The following ICA1 variants were observed in gnomAD, a reference collection of about 807,000 sequenced individuals.
ICA1 encodes islet cell autoantigen 1, also known as 69 kDa islet cell autoantigen.
In ICA1, 40 loss-of-function variants were observed where a neutral mutation model predicts 71.0. The observed-to-expected ratio is 0.56, with a 90% CI of 0.44 to 0.73. The LOEUF (loss-of-function observed/expected upper bound fraction) is 0.73. Among genes scored for constraint, ICA1 ranks in the 30% least tolerant of loss-of-function variants. The pLI, the probability that ICA1 is intolerant of heterozygous loss-of-function variation, is 0.00. For missense variants in ICA1, 578 were observed against 576.5 expected, an observed-to-expected ratio of 1.00 and a Z score of -0.03; for synonymous variants, 207 against 209.5, an observed-to-expected ratio of 0.99 and a Z score of 0.10.
intron 8 of ICA1, among the ~76,000 whole-genome samples, chr7:8,149,360 G>C (rs1209330416): frequency 2.0e-5 from 3 of 152,188 alleles, no homozygotes; most frequent in Admixed American, 2.0e-4. Context: ...TTTAGACTAA[G>C]AAACTTTTCT....
Position 8,232,648 on chromosome 7 carries a change from C to T in ICA1, c.125G>A (p.Gly42Glu). ...ETKQAFIKAT[G>E]KKEDEHVVAS... is the part of the protein sequence containing the mutation. ...AACAACATGTTCATCTTCCTTCTTC[C>T]CTGTGGCTTTAATAAAGGCCTGCTT... Residue 42 changes from glycine (G) to glutamate (E), a missense_variant, in exon 3 of 14, where the codon GGG becomes GAG. Gly to Glu is a moderately conservative substitution (Grantham distance 98). Transcript: ENST00000402384. 6.2e-7 allele frequency: 1 copy of T among 1,613,582 alleles called. No homozygotes were observed. The highest frequency in any genetic ancestry group is 8.5e-7 in the Non-Finnish European group (1 of 1,179,756).
Position 8,226,897 on chromosome 7 carries a change from A to G in ICA1, c.256+1704T>C, listed in dbSNP as rs893201160. Among the ~76,000 whole-genome samples the G allele has an allele frequency of 6.6e-6, 1 of 152,174 alleles. No individual in the cohort carries two copies. The highest frequency in any genetic ancestry group is 1.5e-5 in the Non-Finnish European group (1 of 68,024). The stretch of plus-strand genomic sequence containing the variant: ...TGGTTTAGGGGGAAGTTTTTCCTCT[A>G]TATTCTTTTAGAAACACTAATATAC... On this transcript the variant is annotated intron_variant, in intron 4 of 13. Coordinates refer to ENST00000402384, the MANE Select transcript of ICA1 (RefSeq NM_001136020.3). The surrounding 1 kb of genome is among the most constrained non-coding windows in gnomAD (Gnocchi z 4.4).
intron 1 of ICA1, among the ~76,000 whole-genome samples, chr7:8,239,936 C>A (rs937738437): frequency 3.3e-5 from 5 of 152,234 alleles, no homozygotes; most frequent in African/African-American, 4.8e-5. Flanking sequence ...TCAGCAAGGC[C>A]TGTTGCCTCT....
rs1786524711 is a variant in ICA1, at chr7:8,120,586, C to T, written c.1331-6542G>A. On this transcript the variant is annotated intron_variant, in intron 13 of 13. Transcript: ENST00000402384. ...AAGGTGTGGCTAGAAAGATGTCGGC[C>T]CATCTCAGAGTAGTTCTGTCAGGAG... 5.9e-5 allele frequency among the ~76,000 whole-genome samples: 9 copies of T among 152,240 alleles called. No homozygotes were observed. In the South Asian group the frequency reaches 1.7e-3, roughly 28 times the overall value.
At chr7:8,243,907 G>A (rs969223742) in intron 1 of ICA1, among the ~76,000 whole-genome samples, 2 of 152,258 alleles carry the variant, frequency 1.3e-5, no homozygotes, top group East Asian at 1.9e-4. Context: ...ACTGCTCAAC[G>A]AAATAAAAGA....
intron 5 of ICA1, 72 bp downstream of exon 5, chr7:8,221,203 C>T (rs2128422821): frequency 6.3e-7 from 1 of 1,586,256 alleles, no homozygotes; most frequent in Non-Finnish European, 8.6e-7. Flanking sequence ...TGTGAGATTC[C>T]CTTTCGTGAG....
chr7:8,152,718 T>TCCACCACCACCACCACCA, intron 8 of ICA1, among the ~76,000 whole-genome samples: 1 of 30,384 alleles, frequency 3.3e-5, no homozygotes, highest in Non-Finnish European at 8.4e-5. Flanking sequence ...CATCACCTCC[T>TCCACCACCACCACCACCA]CCACCATCAC....
chr7:8,122,456 G>C (rs1200020480), intron 13 of ICA1, among the ~76,000 whole-genome samples: 1 of 152,234 alleles, frequency 6.6e-6, no homozygotes, highest in Non-Finnish European at 1.5e-5. Flanking sequence ...TCCTTCTGGG[G>C]ACTAAATTCT....
chr7:8,213,686 G>A (rs926750624), intron 6 of ICA1, among the ~76,000 whole-genome samples: 3 of 152,070 alleles, frequency 2.0e-5, no homozygotes, highest in African/African-American at 7.2e-5. Context: ...TTGTTCACAG[G>A]AAACCCATCC....
intron 6 of ICA1, among the ~76,000 whole-genome samples, chr7:8,213,433 C>A (rs777805948): frequency 7.9e-5 from 12 of 152,174 alleles, no homozygotes; most frequent in Non-Finnish European, 1.5e-4. Context: ...GGTGTCCCAG[C>A]CCTACCTTAG....
chr7:8,153,713 C>T (rs1219885335), intron 8 of ICA1, among the ~76,000 whole-genome samples: 1 of 151,926 alleles, frequency 6.6e-6, no homozygotes, highest in Non-Finnish European at 1.5e-5. Flanking sequence ...ACCATGTTTT[C>T]AAGTTCTGGC....
Position 8,182,641 on chromosome 7 carries a change from T to TA in ICA1, c.580-23990dup, listed in dbSNP as rs199593352. ...TTTTTATTGTTGATAAAACATAAAA[T>TA]AAAAAAATTAAAGGGTTATTAAAGA... On this transcript the variant is annotated intron_variant, in intron 6 of 13. Coordinates refer to ENST00000402384, the MANE Select transcript of ICA1 (RefSeq NM_001136020.3). Among the ~76,000 whole-genome samples, 913 of 152,202 alleles carry TA rather than the reference T, an allele frequency of 6.0e-3. 4 individuals are homozygous for TA. The highest frequency in any genetic ancestry group is 9.4e-3 in the Non-Finnish European group (640 of 67,962).
chr7:8,156,620 C>T lies in ICA1; in HGVS notation c.804+496G>A, dbSNP rs1295488642. The T allele has an allele frequency of 2.7e-5, 12 of 442,614 alleles. No homozygotes were observed. In the East Asian group the frequency reaches 5.0e-4, roughly 18 times the overall value. 27.4% of individuals were successfully genotyped at this position (442,614 alleles called of 1,614,324 possible). A position where few individuals can be genotyped will look rare whatever the true frequency, so the allele number is the denominator to read the frequency against. ...ATTAGAAAATATTGCTGTAGTCTTACAGAAAAATTCAATTTTATGTTGGAT... is the reference window on the plus strand; with the variant it reads ...ATTAGAAAATATTGCTGTAGTCTTATAGAAAAATTCAATTTTATGTTGGAT... On this transcript the variant is annotated intron_variant, in intron 8 of 13. Transcript: ENST00000402384.
intron 4 of ICA1, 105 bp from the exon 5 acceptor site, chr7:8,221,503 C>T (rs1440012969): frequency 6.1e-6 from 8 of 1,309,642 alleles, no homozygotes; most frequent in East Asian, 2.4e-5. Context: ...GAGGCGAAGA[C>T]GAGATGAAAT....
At chr7:8,142,118 A>C (rs1795456894) in intron 9 of ICA1, 2 of 764,142 alleles carry the variant, frequency 2.6e-6, no homozygotes, top group African/African-American at 3.7e-5. Context: ...AAAATAGTAA[A>C]AATTGATAGT....
intron 3 of ICA1, among the ~76,000 whole-genome samples, chr7:8,230,151 G>C (rs1563110242): frequency 2.0e-5 from 3 of 152,202 alleles, no homozygotes; most frequent in Admixed American, 2.0e-4. Flanking sequence ...CTGGCAAGAA[G>C]ACTTCTGTCA....
intron 6 of ICA1, among the ~76,000 whole-genome samples, chr7:8,207,065 T>C (rs527931055): frequency 5.7e-4 from 87 of 152,316 alleles, no homozygotes; most frequent in African/African-American, 1.9e-3. Context: ...TTTATATAAT[T>C]AATCTATCTT....
At chr7:8,121,195 A>G (rs1375304687) in intron 13 of ICA1, among the ~76,000 whole-genome samples, 1 of 152,180 alleles carries the variant, frequency 6.6e-6, no homozygotes, top group Non-Finnish European at 1.5e-5. Flanking sequence ...CCCTGAGGAC[A>G]TCATCTTCAA....
intron 6 of ICA1, among the ~76,000 whole-genome samples, chr7:8,185,858 A>G (rs917548274): frequency 6.6e-6 from 1 of 152,250 alleles, no homozygotes; most frequent in African/African-American, 2.4e-5. Context: ...CTTGGTGCAT[A>G]GTAAGCACTC....
Sources: allele counts gnomAD v4.1 joint callset (sites outside exome capture counted in the v4.1 genomes callset), GRCh38; gene constraint gnomAD v4.1.1; non-coding constraint Gnocchi (gnomAD v3.1); transcripts MANE v1.5; gene names NCBI Gene and HGNC (gene_info 2026-07-23, HGNC 2026-07-21).